SEL1L2: variants seen among roughly 807,000 people sequenced by gnomAD.
SEL1L2 encodes the protein protein sel-1 homolog 2.
SEL1L2 carries 89 observed loss-of-function variants against 98.8 expected under a neutral mutation model. That is an observed-to-expected ratio of 0.90 (90% CI 0.76 to 1.07). The LOEUF (loss-of-function observed/expected upper bound fraction) is 1.07. SEL1L2 is among the 50% of genes least tolerant of loss of function. The pLI is 0.00. For synonymous variants in SEL1L2, 262 were observed against 278.5 expected (o/e 0.94, Z 0.59); for missense variants, 788 against 812.0 (o/e 0.97, Z 0.36).
intron 2 of SEL1L2, among the ~76,000 whole-genome samples, chr20:13,949,419 C>T (rs1354360036): frequency 6.6e-6 from 1 of 152,140 alleles, no homozygotes; most frequent in Non-Finnish European, 1.5e-5. Flanking sequence ...AATCCCAGCA[C>T]CTTGGGAGGC....
At chr20:13,850,515 G>A (rs1988073552) in intron 18 of SEL1L2, among the ~76,000 whole-genome samples, 196 bp from the exon 19 acceptor site, 1 of 152,212 alleles carries the variant, frequency 6.6e-6, no homozygotes, top group African/African-American at 2.4e-5. Context: ...GGAAGAAAGA[G>A]AGATGTGGTG....
intron 5 of SEL1L2, among the ~76,000 whole-genome samples, chr20:13,909,999 AAAC>A (rs906793844): frequency 6.6e-6 from 1 of 152,106 alleles, no homozygotes; most frequent in East Asian, 1.9e-4. Flanking sequence ...AAACCAAAAC[AAAC>A]AACAACAACA....
intron 17 of SEL1L2, among the ~76,000 whole-genome samples, chr20:13,859,993 C>T (rs924797891): frequency 2.0e-5 from 3 of 152,220 alleles, no homozygotes; most frequent in Admixed American, 1.3e-4. Context: ...CGTGAGCCTC[C>T]GCGCCCGGCC....
At chr20:13,968,550 C>T (rs375856386) in intron 1 of SEL1L2, among the ~76,000 whole-genome samples, 31 of 152,362 alleles carry the variant, frequency 2.0e-4, no homozygotes, top group Middle Eastern at 3.4e-3. Flanking sequence ...TGGTACTTCT[C>T]TGTACCTGTG....
chr20:13,872,718 AG>A (rs1270005156), intron 12 of SEL1L2, among the ~76,000 whole-genome samples: 7 of 152,100 alleles, frequency 4.6e-5, no homozygotes, highest in Non-Finnish European at 2.9e-5. Context: ...CTGGGATCCC[AG>A]GGACTCAGTG....
intron 1 of SEL1L2, among the ~76,000 whole-genome samples, chr20:13,966,134 T>G (rs2051029997): frequency 6.6e-6 from 1 of 152,038 alleles, no homozygotes; most frequent in Non-Finnish European, 1.5e-5. Context: ...AACCTTCAAA[T>G]TATAAAAAAT....
intron 5 of SEL1L2, among the ~76,000 whole-genome samples, chr20:13,894,013 A>G (rs78451500): frequency 0.013 from 1,982 of 152,242 alleles, 41 homozygotes; most frequent in African/African-American, 0.044. Context: ...ACCAAAACTT[A>G]TGGGGATGCA....
In SEL1L2 at chr20:13,962,065, G is replaced by A. The variant is rs145574212; in HGVS notation, c.59-5934C>T. Among the ~76,000 whole-genome samples the A allele has an allele frequency of 3.3e-3, 505 of 152,250 alleles. 1 individual carries two copies. The highest frequency in any genetic ancestry group is 0.014 in the Middle Eastern group (4 of 294). ...TACAGACCATGAGATGATGGATTCC[G>A]AGCTTGATGATATGATAAAGTGAGA... On this transcript the variant is annotated intron_variant, in intron 1 of 19. Coordinates refer to ENST00000284951, the MANE Select transcript of SEL1L2 (RefSeq NM_025229.2).
chr20:13,877,286 A>G (rs116845122), intron 11 of SEL1L2, among the ~76,000 whole-genome samples: 3,958 of 152,204 alleles, frequency 0.026, 87 homozygotes, highest in Non-Finnish European at 0.04. Context: ...TCCCTCTACA[A>G]TGGGTTCAAT....
At chr20:13,956,627 G>A (rs1025558484) in intron 1 of SEL1L2, among the ~76,000 whole-genome samples, 1 of 152,010 alleles carries the variant, frequency 6.6e-6, no homozygotes, top group Non-Finnish European at 1.5e-5. Context: ...AATTATACCA[G>A]GCTTTGAAAT....
At chr20:13,875,982 C>A (rs749008733) in intron 12 of SEL1L2, 56 bp downstream of exon 12, 5 of 1,319,078 alleles carry the variant, frequency 3.8e-6, no homozygotes, top group Middle Eastern at 1.8e-4. Context: ...CACCAGTCTG[C>A]GTGTAATAAA....
chr20:13,888,314 A>G, intron 6 of SEL1L2, 145 bp downstream of exon 6: 4 of 666,112 alleles, frequency 6.0e-6, no homozygotes, highest in Non-Finnish European at 1.0e-5. Context: ...CTTATGGCAT[A>G]AGAACACTAA....
At chr20:13,943,063 GAGA>G (rs1169899150) in intron 2 of SEL1L2, among the ~76,000 whole-genome samples, 1 of 152,130 alleles carries the variant, frequency 6.6e-6, no homozygotes, top group Non-Finnish European at 1.5e-5. Flanking sequence ...ATCCCTTGTA[GAGA>G]AGAAGTAACT....
chr20:13,871,948 G>A (rs773863842), intron 12 of SEL1L2, among the ~76,000 whole-genome samples: 4 of 152,214 alleles, frequency 2.6e-5, no homozygotes, highest in South Asian at 2.1e-4. Flanking sequence ...AGATGCAGCC[G>A]GAGTAACCCT....
rs1382660022 is a variant in SEL1L2 at position 13,919,919 on chromosome 20, C to A, written c.284-796G>T. 2.2e-4 allele frequency among the ~76,000 whole-genome samples: 25 copies of A among 113,470 alleles called. 1 individual carries two copies. The highest frequency in any genetic ancestry group is 3.5e-5 in the Non-Finnish European group (2 of 56,872). 74.4% of individuals were successfully genotyped at this position (113,470 alleles called of 152,430 possible). A position where few individuals can be genotyped will look rare whatever the true frequency, so the allele number is the denominator to read the frequency against. ...CAGCCTAGGTGACAGAGCGAGACTC[C>A]GTCTCAAAAAAAAAAAAAAATGTTA... On this transcript the variant is annotated intron_variant, in intron 3 of 19. Coordinates refer to ENST00000284951, the MANE Select transcript of SEL1L2 (RefSeq NM_025229.2).
chr20:13,971,025 T>C (rs1433074661), intron 1 of SEL1L2, among the ~76,000 whole-genome samples: 1 of 152,032 alleles, frequency 6.6e-6, no homozygotes. Context: ...TTCATTTGCA[T>C]GATTACTGGT....
At chr20:13,857,974 C>T (rs1409792208) in intron 18 of SEL1L2, among the ~76,000 whole-genome samples, 1 of 152,172 alleles carries the variant, frequency 6.6e-6, no homozygotes, top group Non-Finnish European at 1.5e-5. Context: ...ATTTAGCTAT[C>T]CATCCTGTCC....
chr20:13,989,239 T>C (rs1433799477), intron 1 of SEL1L2, among the ~76,000 whole-genome samples: 1 of 152,214 alleles, frequency 6.6e-6, no homozygotes, highest in African/African-American at 2.4e-5. Context: ...TTTTTGATAC[T>C]ATTATAAAGT....
intron 5 of SEL1L2, among the ~76,000 whole-genome samples, chr20:13,898,467 C>T (rs569568819): frequency 5.3e-4 from 80 of 152,210 alleles, no homozygotes; most frequent in African/African-American, 1.9e-3. Flanking sequence ...ATTTATAACC[C>T]CACACAGGAG....
Sources: gnomAD v4.1 joint callset for allele counts (sites outside exome capture counted in the v4.1 genomes callset) on GRCh38, gnomAD v4.1.1 for gene constraint, MANE v1.5 for transcripts, NCBI Gene and HGNC (gene_info 2026-07-23, HGNC 2026-07-21) for gene names.